SOX6: variants seen among roughly 807,000 people sequenced by gnomAD.
The protein encoded by SOX6 is SRY-box transcription factor 6.
Under a neutral mutation model 97.8 loss-of-function variants are expected in SOX6, and 11 were observed. That is an observed-to-expected ratio of 0.11 (90% CI 0.07 to 0.19). The LOEUF is 0.19. Ranked by LOEUF, SOX6 falls within the 10% of genes least tolerant of loss-of-function variation. The pLI is 1.00. For missense variants in SOX6, 810 were observed against 1,039.5 expected (o/e 0.78, Z 3.04); for synonymous variants, 360 against 371.4 (o/e 0.97, Z 0.35).
intron 3 of SOX6, among the ~76,000 whole-genome samples, chr11:16,694,026 C>T (rs887181288): frequency 1.3e-5 from 2 of 152,156 alleles, no homozygotes; most frequent in Non-Finnish European, 2.9e-5. Flanking sequence ...TCTTCCCAAA[C>T]CAAGTATCTA....
intron 1 of SOX6, among the ~76,000 whole-genome samples, chr11:16,469,213 C>T (rs1319612161): frequency 6.6e-6 from 1 of 152,006 alleles, no homozygotes; most frequent in Non-Finnish European, 1.5e-5. Context: ...AGAGTATTAA[C>T]AAACTTTTTA....
At chr11:16,728,956 T>C (rs1848328564) in intron 2 of SOX6, among the ~76,000 whole-genome samples, 2 of 151,940 alleles carry the variant, frequency 1.3e-5, no homozygotes, top group Non-Finnish European at 2.9e-5. Flanking sequence ...ATGCCCAAAC[T>C]GACGAAGCAG....
Position 16,341,046 on chromosome 11 carries a change from T to A in SOX6, c.203A>T (p.Asp68Val), listed in dbSNP as rs1429383535. The change falls in exon 2 of 16, where the codon GAC (aspartate) becomes GTC (valine). Residue 68 changes from aspartate to valine, a missense_variant. Around this residue, in one of 9 missense-constraint regions of SOX6, gnomAD observed 100 missense variants for 94.6 expected, o/e 1.06. Coordinates refer to ENST00000683767, the MANE Select transcript of SOX6 (RefSeq NM_001367873.1). Reference sequence around the variant, plus strand: ...CTGAGATGACAGAACGCTGTCCCAGTCAGCATCTTGTTGAATGGTACTGAC... The same window carrying A: ...CTGAGATGACAGAACGCTGTCCCAGACAGCATCTTGTTGAATGGTACTGAC... ...TLVSTIQQDA[D>V]WDSVLSSQQR... is the part of the protein sequence containing the mutation. 1.4e-5 allele frequency: 22 copies of A among 1,613,310 alleles called. No individual in the cohort carries two copies. Among genetic ancestry groups the A allele is most frequent in the Non-Finnish European group, 1.9e-5 (22 of 1,179,516 alleles).
At chr11:16,589,996 A>G (rs898868188) in intron 4 of SOX6, among the ~76,000 whole-genome samples, 1 of 152,220 alleles carries the variant, frequency 6.6e-6, no homozygotes, top group Non-Finnish European at 1.5e-5. Flanking sequence ...AAAAAAGGTT[A>G]AAATAATATA....
intron 3 of SOX6, among the ~76,000 whole-genome samples, chr11:16,662,031 T>C (rs1847769593): frequency 6.6e-6 from 1 of 152,350 alleles, no homozygotes; most frequent in Non-Finnish European, 1.5e-5. Flanking sequence ...GTTAAATGAA[T>C]AGTTATCTAT....
At chr11:16,482,422 T>G (rs1860360070) in intron 4 of SOX6, among the ~76,000 whole-genome samples, 1 of 152,236 alleles carries the variant, frequency 6.6e-6, no homozygotes, top group African/African-American at 2.4e-5. Flanking sequence ...ACCACGTTTC[T>G]TAATATCCAC....
intron 1 of SOX6, among the ~76,000 whole-genome samples, chr11:16,433,130 G>A (rs1040740375): frequency 4.6e-5 from 7 of 151,906 alleles, no homozygotes; most frequent in Admixed American, 3.3e-4. Flanking sequence ...CTTTAGGTTC[G>A]CAGTATTAAT....
At chr11:16,234,134 C>T (rs1236739059) in intron 4 of SOX6, among the ~76,000 whole-genome samples, 1 of 152,018 alleles carries the variant, frequency 6.6e-6, no homozygotes, top group Admixed American at 6.6e-5. Context: ...TCAGAATCCC[C>T]CAATAAACCA....
chr11:16,534,288 T>C (rs2133171759), intron 4 of SOX6, among the ~76,000 whole-genome samples: 1 of 152,292 alleles, frequency 6.6e-6, no homozygotes, highest in Non-Finnish European at 1.5e-5. Context: ...TTGAAAACTT[T>C]AAAAACCAAG....
At chr11:16,393,693 T>G (rs1858256742) in intron 1 of SOX6, among the ~76,000 whole-genome samples, 1 of 152,054 alleles carries the variant, frequency 6.6e-6, no homozygotes, top group Non-Finnish European at 1.5e-5. Flanking sequence ...CCACTAAACT[T>G]CATCCAATAA....
intron 2 of SOX6, among the ~76,000 whole-genome samples, chr11:16,731,368 T>A (rs1174297999): frequency 6.6e-6 from 1 of 152,046 alleles, no homozygotes; most frequent in African/African-American, 2.4e-5. Context: ...GCAAACCAAA[T>A]CCAGCAGCAC....
At chr11:16,034,684 G>T (rs1393913254) in intron 12 of SOX6, among the ~76,000 whole-genome samples, 1 of 152,184 alleles carries the variant, frequency 6.6e-6, no homozygotes, top group African/African-American at 2.4e-5. Context: ...GAAGGGAGTA[G>T]AACACATACA....
chr11:16,621,618 C>G (rs1468601152), intron 3 of SOX6, among the ~76,000 whole-genome samples: 3 of 152,130 alleles, frequency 2.0e-5, no homozygotes, highest in African/African-American at 7.2e-5. Context: ...CTATGCTAAA[C>G]AAGAGACTAG....
At chr11:16,128,683 C>T (rs1209409355) in intron 6 of SOX6, among the ~76,000 whole-genome samples, 1 of 151,928 alleles carries the variant, frequency 6.6e-6, no homozygotes, top group Non-Finnish European at 1.5e-5. Context: ...ATATATATGC[C>T]TTCTCCTTCC....
At chr11:16,290,431 C>T (rs1208957556) in intron 3 of SOX6, among the ~76,000 whole-genome samples, 1 of 151,980 alleles carries the variant, frequency 6.6e-6, no homozygotes, top group Non-Finnish European at 1.5e-5. Flanking sequence ...AACACCTTGG[C>T]ATTCAAACAA....
chr11:16,639,645 G>A (rs1848860427), intron 3 of SOX6, among the ~76,000 whole-genome samples: 1 of 152,096 alleles, frequency 6.6e-6, no homozygotes, highest in Non-Finnish European at 1.5e-5. Context: ...GTTTTAAGTT[G>A]GATTCCTAGG....
chr11:16,500,864 T>C (rs11023967), intron 4 of SOX6, among the ~76,000 whole-genome samples: 26,625 of 151,872 alleles, frequency 0.18, 2,733 homozygotes, highest in Admixed American at 0.31. Context: ...GAATCAATAT[T>C]GTGAAAATGG....
chr11:16,417,321 C>T (rs1173943461), intron 1 of SOX6, among the ~76,000 whole-genome samples: 1 of 152,142 alleles, frequency 6.6e-6, no homozygotes, highest in Non-Finnish European at 1.5e-5. Flanking sequence ...CTTTGAAAGG[C>T]TCAGACACAG....
rs1861177825 is a variant in SOX6 at position 16,527,019 on chromosome 11, G to A, written n.610-50631C>T. Among the ~76,000 whole-genome samples, 3 of 152,092 alleles carry A rather than the reference G, an allele frequency of 2.0e-5. No homozygotes were observed. In the South Asian group the frequency reaches 6.2e-4, roughly 32 times the overall value. On this transcript the variant is annotated intron_variant and non_coding_transcript_variant, in intron 4 of 5. Coordinates refer to the SOX6 transcript ENST00000524520. ...AAACAAACTTTCATGCCCTAATACA[G>A]TAGATCCCAATCCAAAGAAGAAGCT...
Sources: gnomAD v4.1 joint callset for allele counts (sites outside exome capture counted in the v4.1 genomes callset) on GRCh38, gnomAD v4.1.1 for gene constraint, gnomAD v4.1.1 regional missense constraint, MANE v1.5 for transcripts, NCBI Gene and HGNC (gene_info 2026-07-23, HGNC 2026-07-21) for gene names.